The following HDAC9 variants were observed in gnomAD, a reference collection of about 807,000 sequenced individuals.
HDAC9 encodes the protein histone deacetylase 9.
In HDAC9, 41 loss-of-function variants were observed where a neutral mutation model predicts 139.4. The ratio of observed to expected loss-of-function variants is 0.29; its 90% CI spans 0.23 to 0.38. HDAC9 has a LOEUF of 0.38. HDAC9 is among the 10% of genes least tolerant of loss of function. The pLI, the probability that HDAC9 is intolerant of heterozygous loss-of-function variation, is 1.00. For missense variants in HDAC9, 1,147 were observed against 1,297.0 expected, an observed-to-expected ratio of 0.88 and a Z score of 1.78; for synonymous variants, 517 against 476.2, an observed-to-expected ratio of 1.09 and a Z score of -1.12.
At chr7:18,433,470 A>G (rs1790870413) in intron 1 of HDAC9, among the ~76,000 whole-genome samples, 1 of 152,166 alleles carries the variant, frequency 6.6e-6, no homozygotes, top group African/African-American at 2.4e-5. Flanking sequence ...TTTGTAGACA[A>G]TATGATTCTA....
intron 2 of HDAC9, among the ~76,000 whole-genome samples, chr7:18,559,618 T>G (rs983954066): frequency 6.6e-6 from 1 of 152,168 alleles, no homozygotes; most frequent in African/African-American, 2.4e-5. Context: ...CTTTTATACG[T>G]TGGAGTTTAA....
intron 2 of HDAC9, among the ~76,000 whole-genome samples, chr7:18,197,218 C>T (rs1227720524): frequency 6.6e-6 from 1 of 152,156 alleles, no homozygotes; most frequent in African/African-American, 2.4e-5. Context: ...TCATGTGAGC[C>T]AATTCCTTAT....
At chr7:18,330,150 A>C (rs2128646060) in intron 1 of HDAC9, among the ~76,000 whole-genome samples, 1 of 151,832 alleles carries the variant, frequency 6.6e-6, no homozygotes, top group Non-Finnish European at 1.5e-5. Context: ...ATGAAGATTT[A>C]GATTGTGAAG....
chr7:18,970,066 G>A (rs1162316420), intron 24 of HDAC9, among the ~76,000 whole-genome samples: 1 of 152,130 alleles, frequency 6.6e-6, no homozygotes, highest in African/African-American at 2.4e-5. Flanking sequence ...AGTATCTTGA[G>A]AAGGATAAAT....
chr7:18,810,583 C>T (rs758067851), intron 17 of HDAC9, among the ~76,000 whole-genome samples: 10 of 151,858 alleles, frequency 6.6e-5, no homozygotes, highest in Non-Finnish European at 1.3e-4. Context: ...TCATAAAACA[C>T]ACATAATGTC....
chr7:18,799,088 C>CAA (rs1793071920), intron 17 of HDAC9, among the ~76,000 whole-genome samples: 1 of 149,034 alleles, frequency 6.7e-6, no homozygotes, highest in African/African-American at 2.5e-5. Context: ...CACACACACA[C>CAA]ACACACAGAG....
chr7:18,409,032 A>G (rs1307044961), intron 1 of HDAC9, among the ~76,000 whole-genome samples: 1 of 152,280 alleles, frequency 6.6e-6, no homozygotes, highest in Admixed American at 6.5e-5. Context: ...GTGATTTCTG[A>G]TATGCGTTTG....
intron 21 of HDAC9, among the ~76,000 whole-genome samples, chr7:18,858,307 C>A (rs1170164047): frequency 6.6e-6 from 1 of 152,162 alleles, no homozygotes; most frequent in Non-Finnish European, 1.5e-5. Context: ...ACTCACGTGG[C>A]TGCATGTTCT....
At chr7:18,215,008 AC>A (rs1792198632) in intron 2 of HDAC9, among the ~76,000 whole-genome samples, 2 of 152,146 alleles carry the variant, frequency 1.3e-5, no homozygotes, top group African/African-American at 4.8e-5. Flanking sequence ...ATACTTAAGT[AC>A]TATGGTATGA....
intron 1 of HDAC9, among the ~76,000 whole-genome samples, chr7:18,474,387 G>A (rs1240526358): frequency 6.6e-6 from 1 of 152,204 alleles, no homozygotes; most frequent in African/African-American, 2.4e-5. Context: ...TGCCCCTGTG[G>A]CATGTGTTTT....
chr7:18,712,194 A>G (rs886531127), intron 12 of HDAC9, among the ~76,000 whole-genome samples: 2 of 152,242 alleles, frequency 1.3e-5, no homozygotes, highest in Middle Eastern at 3.4e-3. Flanking sequence ...TTTAATATAC[A>G]TCAGCGACTT....
chr7:18,398,507 C>T (rs1268253332), intron 1 of HDAC9, among the ~76,000 whole-genome samples: 1 of 152,042 alleles, frequency 6.6e-6, no homozygotes, highest in African/African-American at 2.4e-5. Context: ...TTATAGCTTA[C>T]AACATTTGCC....
intron 1 of HDAC9, among the ~76,000 whole-genome samples, chr7:18,291,173 G>A (rs908100569): frequency 1.3e-5 from 2 of 151,992 alleles, no homozygotes; most frequent in Non-Finnish European, 2.9e-5. Context: ...GTTTCCTAAA[G>A]GCTCATACCA....
At chr7:18,813,402 C>T (rs1347561759) in intron 17 of HDAC9, among the ~76,000 whole-genome samples, 2 of 152,040 alleles carry the variant, frequency 1.3e-5, no homozygotes, top group African/African-American at 4.8e-5. Context: ...CCTTCTTCTT[C>T]CTAGTCAGGT....
At chr7:18,312,607 G>T (rs1187602869) in intron 1 of HDAC9, among the ~76,000 whole-genome samples, 1 of 151,962 alleles carries the variant, frequency 6.6e-6, no homozygotes, top group African/African-American at 2.4e-5. Context: ...TACACCTAGG[G>T]TTCTGAGTCC....
intron 21 of HDAC9, among the ~76,000 whole-genome samples, chr7:18,866,858 G>T (rs560787039): frequency 6.6e-6 from 1 of 152,252 alleles, no homozygotes; most frequent in African/African-American, 2.4e-5. Context: ...TACTAGTGTG[G>T]TTCAACTTAA....
chr7:18,323,741 C>G (rs541958861), intron 1 of HDAC9, among the ~76,000 whole-genome samples: 4 of 152,180 alleles, frequency 2.6e-5, no homozygotes, highest in African/African-American at 9.6e-5. Flanking sequence ...CCAAGAAGAA[C>G]AAATTGCTGG....
chr7:18,837,892 C>G (rs903779945), intron 21 of HDAC9, among the ~76,000 whole-genome samples: 6 of 152,084 alleles, frequency 3.9e-5, no homozygotes, highest in Non-Finnish European at 8.8e-5. Flanking sequence ...GGCGCCTTCT[C>G]TTTGCCTGGA....
chr7:18,897,465 G>C (rs2129276670), intron 22 of HDAC9, among the ~76,000 whole-genome samples: 1 of 152,058 alleles, frequency 6.6e-6, no homozygotes, highest in African/African-American at 2.4e-5. Flanking sequence ...CTAAAATGCA[G>C]TGTTACAATT....
Sources: allele counts gnomAD v4.1 joint callset (sites outside exome capture counted in the v4.1 genomes callset), GRCh38; gene constraint gnomAD v4.1.1; transcripts MANE v1.5; gene names NCBI Gene and HGNC (gene_info 2026-07-23, HGNC 2026-07-21).